Variants in LRRTM4 observed in about 807,000 individuals in gnomAD.
The protein encoded by LRRTM4 is leucine-rich repeat transmembrane neuronal protein 4.
A neutral mutation model predicts 47.6 loss-of-function variants in LRRTM4; 25 were observed. The observed-to-expected ratio is 0.53, with a 90% CI of 0.38 to 0.73. The LOEUF (loss-of-function observed/expected upper bound fraction) is 0.73, where lower values mean the gene tolerates loss of function less well. Among genes scored for constraint, LRRTM4 ranks in the 30% least tolerant of loss-of-function variants. The pLI is 0.00. For synonymous variants in LRRTM4, 311 were observed against 269.5 expected, an observed-to-expected ratio of 1.15 and a Z score of -1.51; for missense variants, 638 against 713.4, an observed-to-expected ratio of 0.89 and a Z score of 1.20.
rs531274933 is a variant in LRRTM4 at position 76,773,993 on chromosome 2, A to T, written c.1552-25077T>A. ...AAAAAAATATATAGCGGATCTTTGAACAATGTGCGGATGAAAGACACCACA... is the reference window on the plus strand; with the variant it reads ...AAAAAAATATATAGCGGATCTTTGATCAATGTGCGGATGAAAGACACCACA... On this transcript the variant is annotated intron_variant, in intron 3 of 3. Transcript: ENST00000409884. Among the ~76,000 whole-genome samples, 100 of 152,266 alleles carry T rather than the reference A, an allele frequency of 6.6e-4. No individual in the cohort carries two copies. In the South Asian group the frequency reaches 0.02, roughly 31 times the overall value.
intron 3 of LRRTM4, among the ~76,000 whole-genome samples, chr2:77,303,541 C>T (rs1360434127): frequency 6.6e-6 from 1 of 152,160 alleles, no homozygotes; most frequent in African/African-American, 2.4e-5. Flanking sequence ...CTTTATCAAA[C>T]ACAATTAGTG....
At chr2:77,286,365 T>C (rs933458684) in intron 3 of LRRTM4, among the ~76,000 whole-genome samples, 3 of 152,018 alleles carry the variant, frequency 2.0e-5, no homozygotes, top group Non-Finnish European at 4.4e-5. Flanking sequence ...TTTATGATAT[T>C]AATTTTTTAA....
intron 3 of LRRTM4, among the ~76,000 whole-genome samples, chr2:77,463,600 T>C (rs993384537): frequency 3.3e-5 from 5 of 152,132 alleles, no homozygotes; most frequent in Non-Finnish European, 5.9e-5. Context: ...CCATATTTTC[T>C]ATAAATAATA....
intron 3 of LRRTM4, among the ~76,000 whole-genome samples, chr2:77,406,075 C>A (rs745545038): frequency 6.6e-6 from 1 of 152,154 alleles, no homozygotes; most frequent in South Asian, 2.1e-4. Context: ...AAACCAATAT[C>A]CTCAGTCATG....
chr2:76,891,655 G>A (rs1440106019), intron 3 of LRRTM4, among the ~76,000 whole-genome samples: 3 of 151,680 alleles, frequency 2.0e-5, no homozygotes, highest in African/African-American at 4.8e-5. Context: ...GGTATTAGAC[G>A]ATTAGACTTT....
chr2:77,300,850 A>C (rs1037212432), intron 3 of LRRTM4, among the ~76,000 whole-genome samples: 2 of 152,130 alleles, frequency 1.3e-5, no homozygotes, highest in African/African-American at 4.8e-5. Flanking sequence ...GTTTCTTCAT[A>C]GTTAAAAATT....
chr2:77,424,396 A>G (rs935807213), intron 3 of LRRTM4, among the ~76,000 whole-genome samples: 44 of 151,784 alleles, frequency 2.9e-4, no homozygotes, highest in African/African-American at 1.0e-3. Flanking sequence ...ACTTTTTGGC[A>G]TTCGCAAGTT....
chr2:77,230,603 T>C (rs967602333), intron 3 of LRRTM4, among the ~76,000 whole-genome samples: 7 of 152,166 alleles, frequency 4.6e-5, no homozygotes, highest in African/African-American at 7.2e-5. Flanking sequence ...CTTTTGTTGA[T>C]GTTTTATTTT....
At chr2:77,443,974 G>C (rs992025790) in intron 3 of LRRTM4, among the ~76,000 whole-genome samples, 1 of 152,078 alleles carries the variant, frequency 6.6e-6, no homozygotes, top group Non-Finnish European at 1.5e-5. Flanking sequence ...CACAGGCATA[G>C]AACATACTGA....
intron 3 of LRRTM4, among the ~76,000 whole-genome samples, chr2:77,467,208 T>C (rs531586783): frequency 1.3e-5 from 2 of 152,208 alleles, no homozygotes; most frequent in East Asian, 1.9e-4. Flanking sequence ...GCTCTGACTC[T>C]TTTCCCCCTC....
chr2:77,096,553 C>G (rs147645224), intron 3 of LRRTM4, among the ~76,000 whole-genome samples: 1 of 151,006 alleles, frequency 6.6e-6, no homozygotes, highest in East Asian at 2.0e-4. Context: ...GAATAAAAGA[C>G]AAAATGAGAG....
intron 3 of LRRTM4, among the ~76,000 whole-genome samples, chr2:77,226,914 C>T (rs916521636): frequency 3.9e-5 from 6 of 152,044 alleles, no homozygotes; most frequent in South Asian, 2.1e-4. Context: ...TGAACTGAGT[C>T]GCCCAATTCA....
intron 3 of LRRTM4, among the ~76,000 whole-genome samples, chr2:77,337,936 T>C (rs112910537): frequency 0.019 from 2,941 of 152,064 alleles, 104 homozygotes; most frequent in African/African-American, 0.067. Context: ...GAAATAAAGC[T>C]GCCAACATAC....
At chr2:77,184,438 G>A (rs1021413854) in intron 3 of LRRTM4, among the ~76,000 whole-genome samples, 3 of 152,026 alleles carry the variant, frequency 2.0e-5, no homozygotes, top group African/African-American at 7.2e-5. Flanking sequence ...ACTGAGTACC[G>A]ATTCCCTATA....
At chr2:77,430,008 G>A (rs970895448) in intron 3 of LRRTM4, among the ~76,000 whole-genome samples, 1 of 152,158 alleles carries the variant, frequency 6.6e-6, no homozygotes. Flanking sequence ...GGAGGTTGCA[G>A]TGAGCTGCAA....
intron 3 of LRRTM4, among the ~76,000 whole-genome samples, chr2:77,163,920 G>C (rs1213257145): frequency 6.6e-6 from 1 of 152,100 alleles, no homozygotes; most frequent in Non-Finnish European, 1.5e-5. Context: ...AAAATAACCA[G>C]CTAACATCAT....
chr2:77,438,754 T>C (rs1675714556), intron 3 of LRRTM4, among the ~76,000 whole-genome samples: 1 of 152,088 alleles, frequency 6.6e-6, no homozygotes. Context: ...TTTCAGAAAA[T>C]AAGCTAGTTA....
intron 3 of LRRTM4, among the ~76,000 whole-genome samples, chr2:77,140,764 C>T (rs9714390): frequency 0.32 from 49,249 of 151,726 alleles, 8,478 homozygotes; most frequent in African/African-American, 0.43. Context: ...GCAATGAACT[C>T]CAACAGATTT....
At chr2:76,910,288 T>C (rs1049424210) in intron 3 of LRRTM4, among the ~76,000 whole-genome samples, 3 of 141,116 alleles carry the variant, frequency 2.1e-5, no homozygotes, top group Non-Finnish European at 4.5e-5. Context: ...TAGGTGGGAA[T>C]TGAACAATGA....
Sources: allele counts gnomAD v4.1 joint callset (sites outside exome capture counted in the v4.1 genomes callset), GRCh38; gene constraint gnomAD v4.1.1; transcripts MANE v1.5; gene names NCBI Gene and HGNC (gene_info 2026-07-23, HGNC 2026-07-21).